Variants in CNTN4 observed in about 807,000 individuals in gnomAD.
The protein encoded by CNTN4 is contactin 4.
Under a neutral mutation model 122.5 loss-of-function variants are expected in CNTN4, and 77 were observed. That is an observed-to-expected ratio of 0.63 (90% confidence interval 0.52 to 0.76). The LOEUF is 0.76. Among genes scored for constraint, CNTN4 ranks in the 30% least tolerant of loss-of-function variants. The probability of loss-of-function intolerance (pLI) is 0.00; values close to 1 mark genes in which losing one functional copy is unlikely to be tolerated. For synonymous variants in CNTN4, 512 were observed against 447.0 expected, an observed-to-expected ratio of 1.15 and a Z score of -1.83; for missense variants, 1,256 against 1,259.1, an observed-to-expected ratio of 1.00 and a Z score of 0.04.
chr3:2,966,005 A>G lies in CNTN4; in HGVS notation c.1359-22340A>G, dbSNP rs367843484. Reference sequence around the variant, plus strand: ...ATCTGTCTCATATTTATTGGTGGTGATAGTGGAAATTCACCAGACTGTGAA... The same window carrying G: ...ATCTGTCTCATATTTATTGGTGGTGGTAGTGGAAATTCACCAGACTGTGAA... On this transcript the variant is annotated intron_variant, in intron 13 of 24. Coordinates refer to ENST00000418658, the MANE Select transcript of CNTN4 (RefSeq NM_175607.3). Among the ~76,000 whole-genome samples the G allele has an allele frequency of 3.7e-3, 567 of 152,264 alleles. 4 individuals are homozygous for G. The highest frequency in any genetic ancestry group is 0.013 in the African/African-American group (549 of 41,542).
At chr3:2,298,108 T>C (rs1294599864) in intron 2 of CNTN4, among the ~76,000 whole-genome samples, 1 of 152,182 alleles carries the variant, frequency 6.6e-6, no homozygotes, top group African/African-American at 2.4e-5. Context: ...TAGATGTTGG[T>C]TGAATGAACA....
chr3:2,383,221 A>G (rs903497831), intron 3 of CNTN4, among the ~76,000 whole-genome samples: 6 of 152,214 alleles, frequency 3.9e-5, no homozygotes, highest in Non-Finnish European at 7.3e-5. Flanking sequence ...TCACAGAATA[A>G]TGATAATCTT....
At chr3:2,300,563 T>C (rs2042468009) in intron 2 of CNTN4, among the ~76,000 whole-genome samples, 1 of 103,534 alleles carries the variant, frequency 9.7e-6, no homozygotes, top group Non-Finnish European at 2.1e-5. Context: ...TGACCGTCTT[T>C]TTTTTTTTTT....
intron 5 of CNTN4, among the ~76,000 whole-genome samples, chr3:2,742,462 A>G (rs1211989600): frequency 6.6e-6 from 1 of 152,212 alleles, no homozygotes; most frequent in Non-Finnish European, 1.5e-5. Context: ...TTTGTATTCA[A>G]CTGAGTTGGC....
At chr3:2,348,863 A>G (rs1265223262) in intron 3 of CNTN4, among the ~76,000 whole-genome samples, 3 of 152,192 alleles carry the variant, frequency 2.0e-5, no homozygotes, top group African/African-American at 7.2e-5. Flanking sequence ...ATATTAATCA[A>G]TTGTGTCATG....
At chr3:2,683,258 A>G (rs548737762) in intron 4 of CNTN4, among the ~76,000 whole-genome samples, 1 of 152,160 alleles carries the variant, frequency 6.6e-6, no homozygotes, top group Admixed American at 6.6e-5. Context: ...AAGGCTGCTG[A>G]CTTGAAAAAA....
At chr3:2,405,356 G>T (rs781177514) in intron 3 of CNTN4, among the ~76,000 whole-genome samples, 15 of 152,146 alleles carry the variant, frequency 9.9e-5, no homozygotes, top group Non-Finnish European at 1.9e-4. Flanking sequence ...GCTCTTTGAA[G>T]TAGCTGATTT....
chr3:2,491,502 A>T (rs946190181), intron 3 of CNTN4, among the ~76,000 whole-genome samples: 2 of 152,184 alleles, frequency 1.3e-5, no homozygotes, highest in African/African-American at 4.8e-5. Context: ...ATTTTTCTGA[A>T]CGTGTAAGCA....
At chr3:2,990,167 A>G (rs939692597) in intron 14 of CNTN4, among the ~76,000 whole-genome samples, 5 of 152,162 alleles carry the variant, frequency 3.3e-5, no homozygotes, top group Admixed American at 6.5e-5. Context: ...TGTTTTGTTT[A>G]TAAACATGTT....
chr3:2,497,495 T>G (rs1469041142), intron 3 of CNTN4, among the ~76,000 whole-genome samples: 1 of 152,198 alleles, frequency 6.6e-6, no homozygotes, highest in African/African-American at 2.4e-5. Context: ...TTTAATGTCC[T>G]GTGCTCATGA....
At chr3:2,341,615 C>A (rs1575416152) in intron 3 of CNTN4, among the ~76,000 whole-genome samples, 1 of 152,194 alleles carries the variant, frequency 6.6e-6, no homozygotes. Context: ...GCCCAGGCAC[C>A]CTGTGGTGCC....
chr3:3,047,272 C>A (rs1700756008), intron 23 of CNTN4, among the ~76,000 whole-genome samples: 1 of 152,070 alleles, frequency 6.6e-6, no homozygotes, highest in Non-Finnish European at 1.5e-5. Context: ...CTGCACCAAG[C>A]AGACCTAATA....
intron 4 of CNTN4, among the ~76,000 whole-genome samples, chr3:2,704,298 A>C (rs1235845471): frequency 1.2e-4 from 1 of 8,458 alleles, no homozygotes; most frequent in Non-Finnish European, 2.0e-4. Flanking sequence ...CTTCATTTCA[A>C]AAAAAAAAAA....
At chr3:2,498,716 A>G (rs1433703265) in intron 3 of CNTN4, among the ~76,000 whole-genome samples, 6 of 152,034 alleles carry the variant, frequency 3.9e-5, no homozygotes, top group Non-Finnish European at 5.9e-5. Flanking sequence ...TCTTGGACTC[A>G]AGAGATCCAC....
chr3:2,144,583 G>A (rs1466243400), intron 2 of CNTN4, among the ~76,000 whole-genome samples: 1 of 152,096 alleles, frequency 6.6e-6, no homozygotes, highest in African/African-American at 2.4e-5. Context: ...CCTAACTATA[G>A]TAGTTAATTC....
chr3:2,166,382 T>C (rs889794706), intron 2 of CNTN4, among the ~76,000 whole-genome samples: 1 of 152,080 alleles, frequency 6.6e-6, no homozygotes, highest in African/African-American at 2.4e-5. Flanking sequence ...AAGGAGACTT[T>C]AAATGCTGAT....
At chr3:2,703,595 C>A (rs1301890023) in intron 4 of CNTN4, among the ~76,000 whole-genome samples, 1 of 151,882 alleles carries the variant, frequency 6.6e-6, no homozygotes, top group Non-Finnish European at 1.5e-5. Context: ...ATCTAGGAAT[C>A]TAGAAATTCC....
At chr3:2,380,287 T>C (rs2045969448) in intron 3 of CNTN4, among the ~76,000 whole-genome samples, 1 of 148,912 alleles carries the variant, frequency 6.7e-6, no homozygotes, top group African/African-American at 2.4e-5. Context: ...GCCTCAATGG[T>C]AACATTAGGG....
At chr3:2,400,575 C>G (rs1383217277) in intron 3 of CNTN4, among the ~76,000 whole-genome samples, 1 of 149,578 alleles carries the variant, frequency 6.7e-6, no homozygotes, top group Non-Finnish European at 1.5e-5. Context: ...AACAATATAG[C>G]TCAGCTTCAA....
Sources: gnomAD v4.1 joint callset for allele counts (sites outside exome capture counted in the v4.1 genomes callset) on GRCh38, gnomAD v4.1.1 for gene constraint, MANE v1.5 for transcripts, NCBI Gene and HGNC (gene_info 2026-07-23, HGNC 2026-07-21) for gene names.